Variants in DAB1 observed in about 807,000 individuals in gnomAD.
DAB1 encodes disabled homolog 1.
A neutral mutation model predicts 64.6 loss-of-function variants in DAB1; 15 were observed. That is an observed-to-expected ratio of 0.23 (90% CI 0.16 to 0.36). The LOEUF is 0.36. Ranked by LOEUF, DAB1 falls within the 10% of genes least tolerant of loss-of-function variation. The pLI is 1.00. For missense variants in DAB1, 596 were observed against 706.7 expected (o/e 0.84, Z 1.78); for synonymous variants, 235 against 251.9 (o/e 0.93, Z 0.64).
intron 6 of DAB1, among the ~76,000 whole-genome samples, chr1:57,666,251 AG>A (rs753984229): frequency 9.2e-5 from 14 of 152,216 alleles, no homozygotes; most frequent in Non-Finnish European, 1.8e-4. Flanking sequence ...ATGTGTGCTT[AG>A]GGAAAAAAGG....
chr1:57,738,898 C>T (rs558839278), intron 6 of DAB1, among the ~76,000 whole-genome samples: 1 of 152,184 alleles, frequency 6.6e-6, no homozygotes, highest in Non-Finnish European at 1.5e-5. Flanking sequence ...AAGATTGCCA[C>T]ACTTCGAGGT....
chr1:57,250,951 C>T (rs1315366019), intron 2 of DAB1, among the ~76,000 whole-genome samples: 2 of 152,166 alleles, frequency 1.3e-5, no homozygotes, highest in Admixed American at 6.5e-5. Context: ...AAAGCTCATG[C>T]TCTTCTTACT....
chr1:57,432,627 T>A (rs1414613008), intron 7 of DAB1, among the ~76,000 whole-genome samples: 1 of 152,200 alleles, frequency 6.6e-6, no homozygotes, highest in Non-Finnish European at 1.5e-5. Context: ...AGGACATTGT[T>A]AAAGGATTTT....
chr1:58,336,871 T>C (rs1049099258), intron 4 of DAB1, among the ~76,000 whole-genome samples: 6 of 152,204 alleles, frequency 3.9e-5, no homozygotes, highest in African/African-American at 1.2e-4. Context: ...ACTGATTTAG[T>C]AGTAGGATTT....
chr1:57,956,336 G>A (rs1236021711), intron 5 of DAB1, among the ~76,000 whole-genome samples: 1 of 152,154 alleles, frequency 6.6e-6, no homozygotes, highest in Admixed American at 6.5e-5. Flanking sequence ...GTAAGAGGTA[G>A]GAGAGAACTC....
intron 4 of DAB1, among the ~76,000 whole-genome samples, chr1:58,176,836 A>G (rs1405029792): frequency 6.6e-6 from 1 of 152,086 alleles, no homozygotes; most frequent in East Asian, 1.9e-4. Context: ...AAAATTAGCC[A>G]GGCATGGTGG....
intron 1 of DAB1, among the ~76,000 whole-genome samples, chr1:57,852,530 A>C (rs1387034040): frequency 1.3e-5 from 2 of 152,158 alleles, no homozygotes; most frequent in Non-Finnish European, 2.9e-5. Flanking sequence ...CACTGGCAGA[A>C]GAACAGAGAT....
At chr1:58,262,249 GAGA>G (rs976513075) in intron 4 of DAB1, among the ~76,000 whole-genome samples, 1 of 152,186 alleles carries the variant, frequency 6.6e-6, no homozygotes, top group Non-Finnish European at 1.5e-5. Context: ...GGAAAGACCT[GAGA>G]AGAACTGGCT....
intron 4 of DAB1, among the ~76,000 whole-genome samples, chr1:58,175,921 G>A (rs1457704996): frequency 1.3e-5 from 2 of 152,148 alleles, no homozygotes; most frequent in African/African-American, 4.8e-5. Context: ...ATATAACCAA[G>A]GTTTTAAAAA....
chr1:57,979,161 C>A (rs1284602843), intron 5 of DAB1, among the ~76,000 whole-genome samples: 1 of 152,142 alleles, frequency 6.6e-6, no homozygotes, highest in South Asian at 2.1e-4. Flanking sequence ...TTGGAACTAA[C>A]CCAAATGTCC....
chr1:57,974,784 A>G (rs1419972620), intron 5 of DAB1, among the ~76,000 whole-genome samples: 1 of 152,156 alleles, frequency 6.6e-6, no homozygotes. Context: ...CACATTTGTT[A>G]TGTATACCAC....
rs150392427 is a variant in DAB1, at chr1:57,639,823, A to G, written n.625+9769T>C. ...GAGACAGAATCAACAAGTGCTCTAG[A>G]TACTCCCTTCAGTGCTGAAAACACA... On this transcript the variant is annotated intron_variant and non_coding_transcript_variant, in intron 7 of 20. Coordinates refer to the DAB1 transcript ENST00000485760. Among the ~76,000 whole-genome samples, 487 of 152,276 alleles carry G rather than the reference A, an allele frequency of 3.2e-3. 2 individuals carry two copies. Among genetic ancestry groups the G allele is most frequent in the African/African-American group, 0.01 (431 of 41,564 alleles).
At chr1:58,209,273 C>G (rs903862067) in intron 4 of DAB1, among the ~76,000 whole-genome samples, 2 of 152,138 alleles carry the variant, frequency 1.3e-5, no homozygotes, top group Non-Finnish European at 2.9e-5. Flanking sequence ...AGATAAGCTT[C>G]CTTCCATTTC....
intron 7 of DAB1, among the ~76,000 whole-genome samples, chr1:57,625,123 C>A (rs1179939964): frequency 6.6e-6 from 1 of 152,156 alleles, no homozygotes. Context: ...TGTTCCACAA[C>A]AACCTTCTCT....
intron 4 of DAB1, among the ~76,000 whole-genome samples, chr1:58,179,805 T>A (rs942312854): frequency 6.6e-6 from 1 of 152,072 alleles, no homozygotes; most frequent in Non-Finnish European, 1.5e-5. Flanking sequence ...TCTCTACTTT[T>A]TTGTTTTTCT....
chr1:58,143,845 T>C (rs916972136), intron 5 of DAB1, among the ~76,000 whole-genome samples: 2 of 152,218 alleles, frequency 1.3e-5, no homozygotes, highest in African/African-American at 2.4e-5. Context: ...CTTTCTACTA[T>C]GTTTTTCTCG....
chr1:58,128,397 G>A (rs1250291744), intron 5 of DAB1, among the ~76,000 whole-genome samples: 9 of 137,044 alleles, frequency 6.6e-5, no homozygotes, highest in Admixed American at 3.6e-4. Flanking sequence ...CAATCATGTC[G>A]TCTGCAAACA....
At chr1:58,189,046 AT>A (rs1657244146) in intron 4 of DAB1, among the ~76,000 whole-genome samples, 3 of 152,172 alleles carry the variant, frequency 2.0e-5, no homozygotes, top group Non-Finnish European at 1.5e-5. Flanking sequence ...ATAGAGCACT[AT>A]TTTATTTGCC....
chr1:58,288,905 C>T (rs969065213), intron 4 of DAB1, among the ~76,000 whole-genome samples: 2 of 152,168 alleles, frequency 1.3e-5, no homozygotes, highest in East Asian at 3.9e-4. Context: ...AATACACAGG[C>T]TTATGTAGCC....
Sources: gnomAD v4.1 joint callset for allele counts (sites outside exome capture counted in the v4.1 genomes callset) on GRCh38, gnomAD v4.1.1 for gene constraint, MANE v1.5 for transcripts, NCBI Gene and HGNC (gene_info 2026-07-23, HGNC 2026-07-21) for gene names.